GRM8: variants seen among roughly 807,000 people sequenced by gnomAD.
GRM8 encodes the protein glutamate metabotropic receptor 8, also known as metabotropic glutamate receptor 8.
Under a neutral mutation model 87.2 loss-of-function variants are expected in GRM8, and 47 were observed. The ratio of observed to expected loss-of-function variants is 0.54; its 90% CI spans 0.43 to 0.69. The LOEUF is 0.69. Ranked by LOEUF, GRM8 falls within the 30% of genes least tolerant of loss-of-function variation. GRM8 has a pLI of 0.00. For missense variants in GRM8, 1,019 were observed against 1,139.2 expected, an observed-to-expected ratio of 0.89 and a Z score of 1.52; for synonymous variants, 396 against 404.5, an observed-to-expected ratio of 0.98 and a Z score of 0.25.
At chr7:126,976,014 A>G (rs1810950745) in intron 3 of GRM8, among the ~76,000 whole-genome samples, 1 of 152,186 alleles carries the variant, frequency 6.6e-6, no homozygotes, top group Non-Finnish European at 1.5e-5. Flanking sequence ...AGGGACTGCC[A>G]AGGACATTTC....
At chr7:127,030,116 C>T (rs777387739) in intron 3 of GRM8, among the ~76,000 whole-genome samples, 14 of 151,968 alleles carry the variant, frequency 9.2e-5, no homozygotes, top group Admixed American at 4.6e-4. Context: ...CAGGGGGTGG[C>T]GATGATTCTT....
chr7:126,866,715 C>T (rs145338206), intron 6 of GRM8, among the ~76,000 whole-genome samples: 1,762 of 150,804 alleles, frequency 0.012, 19 homozygotes, highest in Non-Finnish European at 0.014. Flanking sequence ...CCTCAGCCTC[C>T]TGAGTAGCTG....
At chr7:126,676,899 A>C (rs1480611274) in intron 7 of GRM8, among the ~76,000 whole-genome samples, 1 of 152,234 alleles carries the variant, frequency 6.6e-6, no homozygotes, top group Non-Finnish European at 1.5e-5. Context: ...GCTTCTGCAT[A>C]GCAAAATAAT....
chr7:126,754,973 C>T (rs1188462663), intron 7 of GRM8, among the ~76,000 whole-genome samples: 1 of 151,288 alleles, frequency 6.6e-6, no homozygotes, highest in Non-Finnish European at 1.5e-5. Context: ...AAATCCAACA[C>T]AAAATGGTGT....
At chr7:126,650,644 T>C (rs918701724) in intron 7 of GRM8, among the ~76,000 whole-genome samples, 7 of 151,630 alleles carry the variant, frequency 4.6e-5, no homozygotes, top group Admixed American at 3.9e-4. Context: ...ACAAAGAAAT[T>C]TGGGGAAGAG....
chr7:127,131,035 T>C (rs1469682253), intron 2 of GRM8, among the ~76,000 whole-genome samples: 1 of 152,196 alleles, frequency 6.6e-6, no homozygotes, highest in Non-Finnish European at 1.5e-5. Flanking sequence ...GGAGCAGAAT[T>C]ACAAGAGTTC....
chr7:126,979,741 G>A (rs1811342207), intron 3 of GRM8, among the ~76,000 whole-genome samples: 1 of 152,188 alleles, frequency 6.6e-6, no homozygotes, highest in Admixed American at 6.5e-5. Flanking sequence ...GAAGTAACCT[G>A]GATCTCACAT....
At chr7:126,619,234 T>G (rs1051791351) in intron 7 of GRM8, among the ~76,000 whole-genome samples, 3 of 152,238 alleles carry the variant, frequency 2.0e-5, no homozygotes, top group Admixed American at 2.0e-4. Context: ...GGGACATGGA[T>G]GAAGCTGGAA....
At chr7:126,773,945 A>T (rs1314714950) in intron 6 of GRM8, among the ~76,000 whole-genome samples, 1 of 152,124 alleles carries the variant, frequency 6.6e-6, no homozygotes, top group Non-Finnish European at 1.5e-5. Flanking sequence ...CAAATTATTC[A>T]TTTTCTTTTC....
At chr7:127,052,696 T>C (rs1819611094) in intron 3 of GRM8, among the ~76,000 whole-genome samples, 1 of 152,182 alleles carries the variant, frequency 6.6e-6, no homozygotes. Context: ...GCATCACCTC[T>C]ATCTCCTTAT....
intron 7 of GRM8, among the ~76,000 whole-genome samples, chr7:126,713,054 T>C (rs1370243900): frequency 6.6e-6 from 1 of 152,174 alleles, no homozygotes; most frequent in African/African-American, 2.4e-5. Flanking sequence ...CTCAAGGATC[T>C]AGAACCAGAA....
intron 7 of GRM8, among the ~76,000 whole-genome samples, chr7:126,694,945 A>T (rs1228874016): frequency 6.6e-6 from 1 of 152,174 alleles, no homozygotes; most frequent in East Asian, 1.9e-4. Flanking sequence ...TTAAGAATGG[A>T]GAAACAGAAT....
At chr7:127,235,187 C>A (rs1797912512) in intron 2 of GRM8, among the ~76,000 whole-genome samples, 3 of 152,174 alleles carry the variant, frequency 2.0e-5, no homozygotes, top group Admixed American at 2.0e-4. Context: ...ACTAAAAGCA[C>A]GCTCTTAAGA....
intron 9 of GRM8, among the ~76,000 whole-genome samples, chr7:126,447,426 G>C (rs897388102): frequency 2.6e-5 from 4 of 151,554 alleles, no homozygotes; most frequent in Non-Finnish European, 5.9e-5. Flanking sequence ...TCATATCTAC[G>C]ACCCTCATTA....
chr7:127,049,526 T>A (rs1819260269), intron 3 of GRM8, among the ~76,000 whole-genome samples: 1 of 152,166 alleles, frequency 6.6e-6, no homozygotes, highest in African/African-American at 2.4e-5. Flanking sequence ...CCACAAATAT[T>A]TATTGCAATT....
At chr7:126,793,643 A>T (rs1821619342) in intron 6 of GRM8, among the ~76,000 whole-genome samples, 1 of 152,244 alleles carries the variant, frequency 6.6e-6, no homozygotes, top group South Asian at 2.1e-4. Context: ...TCTCCTTAGA[A>T]TAATAGTAGC....
chr7:126,839,871 A>G (rs1433346385), intron 6 of GRM8, among the ~76,000 whole-genome samples: 1 of 152,124 alleles, frequency 6.6e-6, no homozygotes, highest in Non-Finnish European at 1.5e-5. Context: ...TTTCTCATGA[A>G]CCAACCACTC....
At chr7:126,604,701 T>C (rs1798177145) in intron 8 of GRM8, among the ~76,000 whole-genome samples, 1 of 152,160 alleles carries the variant, frequency 6.6e-6, no homozygotes, top group Non-Finnish European at 1.5e-5. Context: ...CTTTGAGATC[T>C]TTTTCTTGAT....
chr7:126,588,169 G>A (rs938105961), intron 8 of GRM8, among the ~76,000 whole-genome samples: 3 of 152,154 alleles, frequency 2.0e-5, no homozygotes, highest in Non-Finnish European at 2.9e-5. Context: ...GCAGTCAAAT[G>A]AGAACTAGTT....
Sources: gnomAD v4.1 joint callset for allele counts (sites outside exome capture counted in the v4.1 genomes callset) on GRCh38, gnomAD v4.1.1 for gene constraint, MANE v1.5 for transcripts, NCBI Gene and HGNC (gene_info 2026-07-23, HGNC 2026-07-21) for gene names.